Variants in GNAI1 observed in about 807,000 individuals in gnomAD.
The protein encoded by GNAI1 is guanine nucleotide-binding protein G(i) subunit alpha-1.
GNAI1 carries 11 observed loss-of-function variants against 38.9 expected under a neutral mutation model. That is an observed-to-expected ratio of 0.28 (90% CI 0.18 to 0.47). GNAI1 has a LOEUF of 0.47. Among genes scored for constraint, GNAI1 ranks in the 20% least tolerant of loss-of-function variants. GNAI1 has a pLI of 0.99. For missense variants in GNAI1, 317 were observed against 436.9 expected, an observed-to-expected ratio of 0.73 and a Z score of 2.45; for synonymous variants, 166 against 145.1, an observed-to-expected ratio of 1.14 and a Z score of -1.04.
chr7:80,167,833 A>T (rs895332233), intron 1 of GNAI1, among the ~76,000 whole-genome samples: 2 of 152,242 alleles, frequency 1.3e-5, no homozygotes, highest in African/African-American at 4.8e-5. Context: ...ATTGCTGGAA[A>T]AAGTCAACAC....
rs370774507 is a variant in GNAI1 at position 80,186,353 on chromosome 7, G to T, written c.119-2598G>T. On this transcript the variant is annotated intron_variant, in intron 1 of 7. Transcript: ENST00000649796. ...GCCCCCCACTCTTTAATGTTAAACA[G>T]ATTTCAGGACTTTTTGAACCACAAG... is the stretch of plus-strand genomic sequence containing the variant. Among the ~76,000 whole-genome samples the T allele has an allele frequency of 3.3e-5, 5 of 152,050 alleles. No individual in the cohort carries two copies. In the East Asian group the frequency reaches 9.6e-4, roughly 29 times the overall value.
chr7:80,218,392 A>G lies in GNAI1; in HGVS notation c.*899A>G, dbSNP rs1267109845. ...ATTTTTATTCACTTTAAATAACTACATTTTTGTTTATAACTAAGTTTGGAG... is the reference window on the plus strand; with the variant it reads ...ATTTTTATTCACTTTAAATAACTACGTTTTTGTTTATAACTAAGTTTGGAG... On this transcript the variant is annotated 3_prime_UTR_variant, in exon 8 of 8. Transcript: ENST00000649796. 1 of 151,970 alleles carries G rather than the reference A, an allele frequency of 6.6e-6. No homozygotes were observed. Among genetic ancestry groups the G allele is most frequent in the Admixed American group, 6.6e-5 (1 of 15,254 alleles). The allele number at this position is 151,970 out of a possible 1,614,324, so 9.4% of individuals were successfully genotyped here.
intron 1 of GNAI1, among the ~76,000 whole-genome samples, chr7:80,144,510 A>G (rs1787583279): frequency 6.6e-6 from 1 of 152,168 alleles, no homozygotes. Context: ...CTTTTAATAA[A>G]TTGTAAAATG....
intron 1 of GNAI1, among the ~76,000 whole-genome samples, chr7:80,162,169 G>A (rs1448122281): frequency 5.3e-5 from 8 of 152,046 alleles, no homozygotes; most frequent in Non-Finnish European, 7.4e-5. Flanking sequence ...GTAAGTGACT[G>A]GCTGTAAACC....
chr7:80,177,408 T>C (rs954012391), intron 1 of GNAI1, among the ~76,000 whole-genome samples: 1 of 152,194 alleles, frequency 6.6e-6, no homozygotes, highest in Non-Finnish European at 1.5e-5. Context: ...ATAAAGATTC[T>C]TTTCAATATA....
chr7:80,220,382 T>C lies in GNAI1; in HGVS notation c.*2889T>C, dbSNP rs1481277825. Reference sequence around the variant, plus strand: ...AATTTGGCACTTTTAAATTTGTTTGTGATACCTCTTTTAGACTCCTCTGGC... The same window carrying C: ...AATTTGGCACTTTTAAATTTGTTTGCGATACCTCTTTTAGACTCCTCTGGC... On this transcript the variant is annotated 3_prime_UTR_variant, in exon 8 of 8. Coordinates refer to ENST00000649796, the MANE Select transcript of GNAI1 (RefSeq NM_002069.6). Among the ~76,000 whole-genome samples, 1 of 152,226 alleles carries C rather than the reference T, an allele frequency of 6.6e-6. No individual in the cohort carries two copies. The highest frequency in any genetic ancestry group is 1.9e-4 in the East Asian group (1 of 5,200).
intron 1 of GNAI1, among the ~76,000 whole-genome samples, chr7:80,185,634 C>A (rs1055314477): frequency 6.6e-6 from 1 of 152,128 alleles, no homozygotes; most frequent in Non-Finnish European, 1.5e-5. Context: ...GGCCCTACTA[C>A]GATTAAACTT....
chr7:80,174,500 A>G (rs770449877), intron 1 of GNAI1, among the ~76,000 whole-genome samples: 1 of 146,916 alleles, frequency 6.8e-6, no homozygotes, highest in African/African-American at 2.5e-5. Context: ...TAAGTTCATT[A>G]TGTATTAAAG....
At chr7:80,171,886 C>T (rs1297964651) in intron 1 of GNAI1, among the ~76,000 whole-genome samples, 1 of 152,104 alleles carries the variant, frequency 6.6e-6, no homozygotes, top group Non-Finnish European at 1.5e-5. Flanking sequence ...TTGTTTTGTA[C>T]ACCACATCTC....
chr7:80,144,211 G>A (rs984438582), intron 1 of GNAI1, among the ~76,000 whole-genome samples: 1 of 151,184 alleles, frequency 6.6e-6, no homozygotes, highest in Non-Finnish European at 1.5e-5. Flanking sequence ...TAGAATTAGT[G>A]CAGTGGCTTT....
At chr7:80,179,104 A>G (rs930996161) in intron 1 of GNAI1, among the ~76,000 whole-genome samples, 1 of 152,172 alleles carries the variant, frequency 6.6e-6, no homozygotes. Flanking sequence ...TTGTCTTACT[A>G]TTTTGGGGAG....
intron 1 of GNAI1, among the ~76,000 whole-genome samples, chr7:80,149,232 C>G (rs1452526212): frequency 6.6e-6 from 1 of 152,010 alleles, no homozygotes; most frequent in African/African-American, 2.4e-5. Flanking sequence ...ATATGTTTTA[C>G]AGATATTCCA....
intron 5 of GNAI1, among the ~76,000 whole-genome samples, chr7:80,206,125 A>G (rs1788771518): frequency 6.6e-6 from 1 of 152,062 alleles, no homozygotes; most frequent in South Asian, 2.1e-4. Flanking sequence ...AATTTAATAC[A>G]TTTGTTACTA....
intron 1 of GNAI1, chr7:80,135,707 G>C: frequency 1.5e-6 from 1 of 673,748 alleles, no homozygotes; most frequent in Non-Finnish European, 1.8e-6. Context: ...TGCGGTGTAG[G>C]TTGTGTTTCG....
intron 1 of GNAI1, among the ~76,000 whole-genome samples, chr7:80,154,945 A>G (rs956421445): frequency 1.3e-5 from 2 of 152,178 alleles, no homozygotes; most frequent in Non-Finnish European, 2.9e-5. Flanking sequence ...CTTTTTCTAT[A>G]AAATATAGTT....
intron 1 of GNAI1, among the ~76,000 whole-genome samples, chr7:80,143,996 T>C (rs1787575114): frequency 6.6e-6 from 1 of 151,960 alleles, no homozygotes; most frequent in South Asian, 2.1e-4. Context: ...TCAAGAAGTA[T>C]AAATTCAGTT....
chr7:80,173,824 C>A (rs886966382), intron 1 of GNAI1, among the ~76,000 whole-genome samples: 1 of 152,132 alleles, frequency 6.6e-6, no homozygotes, highest in Non-Finnish European at 1.5e-5. Context: ...AAGTCTTGGT[C>A]GTCTCTCCTA....
At chr7:80,171,407 G>T (rs1409904505) in intron 1 of GNAI1, among the ~76,000 whole-genome samples, 1 of 152,112 alleles carries the variant, frequency 6.6e-6, no homozygotes, top group Admixed American at 6.5e-5. Flanking sequence ...ACTCTTGTCT[G>T]GCAAAGACAG....
chr7:80,192,534 A>G (rs912286265), intron 3 of GNAI1, among the ~76,000 whole-genome samples: 1 of 151,790 alleles, frequency 6.6e-6, no homozygotes. Flanking sequence ...AAGCTATTCA[A>G]CCTCCCTAAG....
Sources: gnomAD v4.1 joint callset for allele counts (sites outside exome capture counted in the v4.1 genomes callset) on GRCh38, gnomAD v4.1.1 for gene constraint, MANE v1.5 for transcripts, NCBI Gene and HGNC (gene_info 2026-07-23, HGNC 2026-07-21) for gene names.